NAALADL2: variants seen among roughly 807,000 people sequenced by gnomAD.
NAALADL2 encodes the protein inactive N-acetylated-alpha-linked acidic dipeptidase-like protein 2.
Under a neutral mutation model 87.2 loss-of-function variants are expected in NAALADL2, and 76 were observed. That is an observed-to-expected ratio of 0.87 (90% confidence interval 0.72 to 1.05). NAALADL2 has a LOEUF of 1.05. NAALADL2 is among the 50% of genes least tolerant of loss of function. NAALADL2 has a pLI of 0.00. For synonymous variants in NAALADL2, 354 were observed against 331.0 expected (o/e 1.07, Z -0.75); for missense variants, 1,089 against 945.8 (o/e 1.15, Z -1.99).
intron 3 of NAALADL2, among the ~76,000 whole-genome samples, chr3:174,839,570 A>G (rs545554298): frequency 7.0e-4 from 106 of 152,206 alleles, no homozygotes; most frequent in African/African-American, 2.5e-3. Flanking sequence ...CCACAGAGTG[A>G]GAGAAAACCT....
intron 4 of NAALADL2, among the ~76,000 whole-genome samples, chr3:175,299,035 C>T (rs962308046): frequency 6.6e-6 from 1 of 152,062 alleles, no homozygotes; most frequent in Non-Finnish European, 1.5e-5. Flanking sequence ...ACAGAAAATG[C>T]GGAACAACTT....
intron 1 of NAALADL2, among the ~76,000 whole-genome samples, chr3:174,466,395 G>T (rs1716538767): frequency 6.6e-6 from 1 of 151,870 alleles, no homozygotes; most frequent in Non-Finnish European, 1.5e-5. Flanking sequence ...ACCCCCCCTG[G>T]GTTAGAACTT....
At chr3:174,511,597 A>G (rs1719603441) in intron 1 of NAALADL2, among the ~76,000 whole-genome samples, 1 of 151,612 alleles carries the variant, frequency 6.6e-6, no homozygotes, top group Non-Finnish European at 1.5e-5. Flanking sequence ...TTTTAATTCA[A>G]TTTGACAAGC....
intron 4 of NAALADL2, among the ~76,000 whole-genome samples, chr3:175,311,153 T>G (rs757975326): frequency 1.5e-4 from 23 of 151,842 alleles, no homozygotes; most frequent in Middle Eastern, 3.5e-3. Flanking sequence ...TACTTCTTTC[T>G]GAAAATAAAA....
chr3:175,622,559 A>C (rs908859734), intron 10 of NAALADL2, among the ~76,000 whole-genome samples: 1 of 152,100 alleles, frequency 6.6e-6, no homozygotes, highest in East Asian at 1.9e-4. Flanking sequence ...AGTAAGTAGC[A>C]GTAGATTGAC....
rs892770258 is a variant in NAALADL2 at position 175,134,585 on chromosome 3, G to A, written c.545+37294G>A. Among the ~76,000 whole-genome samples, 3 of 152,142 alleles carry A rather than the reference G, an allele frequency of 2.0e-5. No individual in the cohort carries two copies. In the South Asian group the frequency reaches 6.2e-4, roughly 31 times the overall value. On this transcript the variant is annotated intron_variant, in intron 2 of 13. Transcript: ENST00000454872. ...TTACTTTTTTCTCAATATATAGCATGAAAAGACAGGCTGAGTAAAAAATAC... is the reference window on the plus strand; with the variant it reads ...TTACTTTTTTCTCAATATATAGCATAAAAAGACAGGCTGAGTAAAAAATAC...
intron 1 of NAALADL2, among the ~76,000 whole-genome samples, chr3:175,090,958 C>T (rs1719997943): frequency 1.6e-5 from 2 of 123,894 alleles, no homozygotes; most frequent in Non-Finnish European, 3.4e-5. Context: ...GACCATTTCA[C>T]TAAAACCACA....
intron 2 of NAALADL2, among the ~76,000 whole-genome samples, chr3:175,118,665 A>G (rs573217688): frequency 1.3e-5 from 2 of 151,922 alleles, no homozygotes; most frequent in South Asian, 4.1e-4. Context: ...GCATTTTTAA[A>G]AATGCAAGTT....
At chr3:175,219,695 CTAT>C (rs762130267) in intron 2 of NAALADL2, among the ~76,000 whole-genome samples, 5 of 151,936 alleles carry the variant, frequency 3.3e-5, no homozygotes, top group Non-Finnish European at 7.4e-5. Context: ...TTTTTGTACT[CTAT>C]ATTCTGTTGC....
intron 11 of NAALADL2, among the ~76,000 whole-genome samples, chr3:175,629,295 GAC>G (rs1727439470): frequency 6.8e-6 from 1 of 146,942 alleles, no homozygotes; most frequent in African/African-American, 2.5e-5. Context: ...TATACACGCA[GAC>G]ACACATAGAC....
intron 1 of NAALADL2, chr3:175,059,740 ATCT>A: frequency 3.3e-6 from 1 of 299,824 alleles, no homozygotes. Context: ...TGTCATCATC[ATCT>A]TTACTATTTG....
chr3:174,494,143 A>C (rs1298957862), intron 1 of NAALADL2, among the ~76,000 whole-genome samples: 1 of 152,056 alleles, frequency 6.6e-6, no homozygotes, highest in African/African-American at 2.4e-5. Context: ...AAACTTTAAG[A>C]CTTTAAGGCA....
chr3:175,119,692 T>TATAGATATAGATATAG (rs374637601), intron 2 of NAALADL2, among the ~76,000 whole-genome samples: 1,863 of 145,312 alleles, frequency 0.013, 24 homozygotes, highest in Middle Eastern at 0.043. Flanking sequence ...AAGGTGTGTA[T>TATAGATATAGATATAG]ATATAGATAT....
chr3:175,620,062 T>C (rs1725988427), intron 10 of NAALADL2, among the ~76,000 whole-genome samples: 1 of 130,530 alleles, frequency 7.7e-6, no homozygotes, highest in Non-Finnish European at 1.7e-5. Flanking sequence ...CGAGAATTTT[T>C]ATCTCTTTTT....
intron 1 of NAALADL2, among the ~76,000 whole-genome samples, chr3:174,472,745 A>G (rs1451397737): frequency 6.6e-6 from 1 of 152,042 alleles, no homozygotes; most frequent in African/African-American, 2.4e-5. Flanking sequence ...TTACTTTGCT[A>G]GTATCTTGCT....
At chr3:175,294,182 C>G (rs1417988428) in intron 4 of NAALADL2, among the ~76,000 whole-genome samples, 2 of 152,130 alleles carry the variant, frequency 1.3e-5, no homozygotes, top group African/African-American at 4.8e-5. Context: ...CTAAAGGCAC[C>G]AAGCCAGCCT....
intron 5 of NAALADL2, among the ~76,000 whole-genome samples, chr3:175,425,281 A>G (rs1716585054): frequency 1.3e-5 from 2 of 152,116 alleles, no homozygotes; most frequent in Admixed American, 1.3e-4. Context: ...TATATGTGTA[A>G]AAGTGATCTC....
chr3:174,579,789 C>A (rs910455813), intron 2 of NAALADL2, among the ~76,000 whole-genome samples: 1 of 151,990 alleles, frequency 6.6e-6, no homozygotes, highest in African/African-American at 2.4e-5. Flanking sequence ...ACAGAATTGT[C>A]ACAGTGACTG....
intron 3 of NAALADL2, among the ~76,000 whole-genome samples, chr3:174,807,655 A>G (rs1719662745): frequency 6.6e-6 from 1 of 152,128 alleles, no homozygotes; most frequent in African/African-American, 2.4e-5. Flanking sequence ...TGAATAATAA[A>G]TATATTTATT....
Sources: gnomAD v4.1 joint callset for allele counts (sites outside exome capture counted in the v4.1 genomes callset) on GRCh38, gnomAD v4.1.1 for gene constraint, MANE v1.5 for transcripts, NCBI Gene and HGNC (gene_info 2026-07-23, HGNC 2026-07-21) for gene names.